The following RIMS2 variants were observed in gnomAD, a reference collection of about 807,000 sequenced individuals.
RIMS2 encodes the protein regulating synaptic membrane exocytosis 2, also known as regulating synaptic membrane exocytosis protein 2.
A neutral mutation model predicts 174.4 loss-of-function variants in RIMS2; 59 were observed. The observed-to-expected ratio is 0.34, with a 90% CI of 0.27 to 0.42. The LOEUF is 0.42. Among genes scored for constraint, RIMS2 ranks in the 10% least tolerant of loss-of-function variants. The pLI is 1.00. For synonymous variants in RIMS2, 606 were observed against 572.5 expected, an observed-to-expected ratio of 1.06 and a Z score of -0.84; for missense variants, 1,620 against 1,666.3, an observed-to-expected ratio of 0.97 and a Z score of 0.48.
At chr8:103,501,052 T>C (rs1819424324) in exon 1 of RIMS2, 2 of 1,605,048 alleles carry the variant, frequency 1.2e-6, no homozygotes, top group Non-Finnish European at 1.7e-6. Flanking sequence ...GAAGGAGCAG[T>C]CCGTGCTCAA....
At chr8:103,959,275 CAGACA>C (rs1397509787) in intron 14 of RIMS2, among the ~76,000 whole-genome samples, 1 of 152,120 alleles carries the variant, frequency 6.6e-6, no homozygotes, top group Non-Finnish European at 1.5e-5. Flanking sequence ...AATGCACACA[CAGACA>C]AATGTATATG....
chr8:103,567,998 T>C (rs1285179543), intron 1 of RIMS2, among the ~76,000 whole-genome samples: 1 of 152,196 alleles, frequency 6.6e-6, no homozygotes, highest in Admixed American at 6.5e-5. Flanking sequence ...CCTGGCATGG[T>C]GGCTTATGGC....
At chr8:104,150,935 G>A (rs543785732) in intron 19 of RIMS2, among the ~76,000 whole-genome samples, 2 of 152,238 alleles carry the variant, frequency 1.3e-5, no homozygotes, top group African/African-American at 4.8e-5. Context: ...GAAAACAGAA[G>A]ACAGAAATCC....
intron 3 of RIMS2, among the ~76,000 whole-genome samples, chr8:103,812,643 A>G (rs2098696107): frequency 6.6e-6 from 1 of 152,012 alleles, no homozygotes; most frequent in Non-Finnish European, 1.5e-5. Context: ...TGGCCTCCCA[A>G]AGTGTTGTGA....
chr8:104,214,329 A>G (rs950507551), intron 19 of RIMS2, among the ~76,000 whole-genome samples: 3 of 152,240 alleles, frequency 2.0e-5, no homozygotes, highest in Non-Finnish European at 4.4e-5. Flanking sequence ...GGATGTATAA[A>G]TGAAGCAAAT....
chr8:103,799,752 A>G (rs1347561503), intron 3 of RIMS2, among the ~76,000 whole-genome samples: 1 of 152,286 alleles, frequency 6.6e-6, no homozygotes. Context: ...TGCCATTACT[A>G]TGAAGTATTT....
intron 19 of RIMS2, among the ~76,000 whole-genome samples, chr8:104,157,941 C>T (rs1280952065): frequency 2.6e-5 from 4 of 152,066 alleles, no homozygotes; most frequent in Non-Finnish European, 5.9e-5. Flanking sequence ...ACTTTAAGTT[C>T]TAGGGTACAT....
chr8:103,840,849 A>C (rs914392220), intron 3 of RIMS2, among the ~76,000 whole-genome samples: 1 of 152,170 alleles, frequency 6.6e-6, no homozygotes, highest in African/African-American at 2.4e-5. Flanking sequence ...TGGAAGGTAC[A>C]CTTGTTATTT....
At chr8:103,943,677 A>T (rs953707789) in intron 14 of RIMS2, among the ~76,000 whole-genome samples, 2 of 152,198 alleles carry the variant, frequency 1.3e-5, no homozygotes, top group Non-Finnish European at 2.9e-5. Context: ...ATGACATTGT[A>T]GGCTTTTCGC....
intron 17 of RIMS2, chr8:103,998,223 C>A: frequency 6.2e-7 from 1 of 1,609,396 alleles, no homozygotes; most frequent in Non-Finnish European, 8.5e-7. Context: ...TACAGTCAGA[C>A]CATTGACCAT....
At chr8:104,214,986 A>T (rs1428029911) in intron 19 of RIMS2, among the ~76,000 whole-genome samples, 2 of 146,154 alleles carry the variant, frequency 1.4e-5, no homozygotes, top group East Asian at 1.9e-4. Flanking sequence ...AAAATCTTGC[A>T]ATTTGTAATG....
chr8:103,720,537 T>TA (rs1156615460), intron 2 of RIMS2, among the ~76,000 whole-genome samples: 5 of 152,202 alleles, frequency 3.3e-5, no homozygotes, highest in African/African-American at 1.2e-4. Context: ...AGAAACTGAA[T>TA]ATAACAGTCT....
intron 1 of RIMS2, among the ~76,000 whole-genome samples, chr8:103,533,391 T>C (rs900465716): frequency 3.3e-5 from 5 of 152,194 alleles, no homozygotes; most frequent in African/African-American, 1.2e-4. Flanking sequence ...AATACTTTTC[T>C]GTTGTTTTTT....
At chr8:103,598,032 T>G (rs752985451) in intron 1 of RIMS2, among the ~76,000 whole-genome samples, 5 of 152,218 alleles carry the variant, frequency 3.3e-5, no homozygotes, top group Non-Finnish European at 7.3e-5. Context: ...AAAGTTTGAA[T>G]GTAATTGTAT....
chr8:103,525,948 A>G (rs973434780), intron 1 of RIMS2, among the ~76,000 whole-genome samples: 2 of 152,224 alleles, frequency 1.3e-5, no homozygotes, highest in Non-Finnish European at 2.9e-5. Context: ...CACATCAATG[A>G]AGGCTGTGGA....
chr8:104,213,080 G>A (rs1331551390), intron 19 of RIMS2, among the ~76,000 whole-genome samples: 1 of 152,056 alleles, frequency 6.6e-6, no homozygotes, highest in African/African-American at 2.4e-5. Context: ...CCAGCACTTT[G>A]GGAGACGGAT....
chr8:104,185,785 T>C (rs1283403227), intron 19 of RIMS2, among the ~76,000 whole-genome samples: 1 of 151,658 alleles, frequency 6.6e-6, no homozygotes, highest in African/African-American at 2.4e-5. Flanking sequence ...TTGATAGGAA[T>C]GTAAATTGGT....
chr8:103,814,344 A>C (rs753885636), intron 3 of RIMS2, among the ~76,000 whole-genome samples: 9 of 108,030 alleles, frequency 8.3e-5, no homozygotes, highest in Non-Finnish European at 1.2e-4. Context: ...CAACTGTTTG[A>C]AAACCTCCAT....
chr8:103,765,673 T>A (rs3110459), intron 2 of RIMS2, among the ~76,000 whole-genome samples: 124,347 of 152,018 alleles, frequency 0.82, 51,455 homozygotes, highest in African/African-American at 0.94. Context: ...ATAATTGCGG[T>A]TAGAATGTTA....
Sources: gnomAD v4.1 joint callset for allele counts (sites outside exome capture counted in the v4.1 genomes callset) on GRCh38, gnomAD v4.1.1 for gene constraint, MANE v1.5 for transcripts, NCBI Gene and HGNC (gene_info 2026-07-23, HGNC 2026-07-21) for gene names.